Variants in MARCHF1 observed in about 807,000 individuals in gnomAD.
MARCHF1 encodes membrane associated ring-CH-type finger 1, also known as E3 ubiquitin-protein ligase MARCHF1.
In MARCHF1, 40 loss-of-function variants were observed where a neutral mutation model predicts 54.2. That is an observed-to-expected ratio of 0.74 (90% CI 0.57 to 0.96). The LOEUF is 0.96. MARCHF1 is among the 40% of genes least tolerant of loss of function. The pLI is 0.00. For synonymous variants in MARCHF1, 236 were observed against 236.3 expected (o/e 1.00, Z 0.01); for missense variants, 586 against 656.5 (o/e 0.89, Z 1.17).
At chr4:163,881,840 T>C (rs1389903564) in intron 3 of MARCHF1, among the ~76,000 whole-genome samples, 1 of 152,208 alleles carries the variant, frequency 6.6e-6, no homozygotes, top group East Asian at 1.9e-4. Flanking sequence ...GACAGCAGCC[T>C]GAATTCTACC....
At chr4:164,107,332 A>G (rs1755728631) in intron 2 of MARCHF1, among the ~76,000 whole-genome samples, 1 of 152,138 alleles carries the variant, frequency 6.6e-6, no homozygotes, top group Non-Finnish European at 1.5e-5. Context: ...GGTAAAATAG[A>G]TCTAAAATAG....
chr4:163,946,977 A>AT (rs529119954), intron 3 of MARCHF1, among the ~76,000 whole-genome samples: 53 of 152,232 alleles, frequency 3.5e-4, no homozygotes, highest in South Asian at 1.0e-3. Flanking sequence ...TTGTTTACAG[A>AT]TTTTTTTTAA....
At chr4:163,602,092 TTTTTA>T (rs1437346983) in intron 7 of MARCHF1, among the ~76,000 whole-genome samples, 1 of 152,008 alleles carries the variant, frequency 6.6e-6, no homozygotes, top group Non-Finnish European at 1.5e-5. Context: ...TTAAAATTAT[TTTTTA>T]TAAGGTGTGT....
intron 3 of MARCHF1, among the ~76,000 whole-genome samples, chr4:163,921,581 T>C (rs189062164): frequency 1.9e-4 from 29 of 151,928 alleles, no homozygotes; most frequent in African/African-American, 5.3e-4. Context: ...ATAGCAATAG[T>C]ACACACATAC....
rs1340559066 is a variant in MARCHF1, at chr4:163,526,236, TAATAA to T, written c.*2507_*2511del. ...TTCTTAGTGTTAAAAGTGTAGCCCT[TAATAA>T]ATGAGGCTTTATTTTAGCCGATCAT... On this transcript the variant is annotated 3_prime_UTR_variant, in exon 10 of 10. Coordinates refer to ENST00000514618, the MANE Select transcript of MARCHF1 (RefSeq NM_001394959.1). 1 of 152,126 alleles carries T rather than the reference TAATAA, an allele frequency of 6.6e-6. No homozygotes were observed. Among genetic ancestry groups the T allele is most frequent in the Non-Finnish European group, 1.5e-5 (1 of 67,990 alleles). The allele number at this position is 152,126 out of a possible 1,614,324, so 9.4% of individuals were successfully genotyped here. A position where few individuals can be genotyped will look rare whatever the true frequency, so the allele number is the denominator to read the frequency against.
chr4:163,831,113 C>T (rs1272294653), intron 4 of MARCHF1, among the ~76,000 whole-genome samples: 2 of 152,232 alleles, frequency 1.3e-5, no homozygotes, highest in African/African-American at 4.8e-5. Context: ...TCTGTCTTTC[C>T]TATGGCTAAA....
chr4:163,906,282 T>C (rs1751065155), intron 3 of MARCHF1, among the ~76,000 whole-genome samples: 1 of 151,940 alleles, frequency 6.6e-6, no homozygotes, highest in African/African-American at 2.4e-5. Flanking sequence ...TGCCTGAATA[T>C]GTAACTGAAT....
At chr4:164,361,931 G>A (rs1376857864) in intron 1 of MARCHF1, among the ~76,000 whole-genome samples, 2 of 151,948 alleles carry the variant, frequency 1.3e-5, no homozygotes, top group Non-Finnish European at 1.5e-5. Flanking sequence ...GTTGGCCCAA[G>A]TATTACAAAT....
At chr4:164,115,035 C>T (rs960176050) in intron 1 of MARCHF1, among the ~76,000 whole-genome samples, 1 of 151,926 alleles carries the variant, frequency 6.6e-6, no homozygotes, top group African/African-American at 2.4e-5. Flanking sequence ...CAATGAGCCA[C>T]TCTGCTGAAA....
intron 2 of MARCHF1, among the ~76,000 whole-genome samples, chr4:164,087,218 C>T (rs6815957): frequency 0.42 from 63,244 of 151,754 alleles, 14,173 homozygotes; most frequent in Non-Finnish European, 0.49. Context: ...AATAACTATT[C>T]AAGCAACATA....
At chr4:164,053,233 G>A (rs1250040118) in intron 2 of MARCHF1, among the ~76,000 whole-genome samples, 1 of 151,424 alleles carries the variant, frequency 6.6e-6, no homozygotes, top group African/African-American at 2.4e-5. Flanking sequence ...GTATCCTGAA[G>A]TTTTTTTTTA....
At chr4:163,600,438 T>C (rs1740927080) in intron 7 of MARCHF1, among the ~76,000 whole-genome samples, 1 of 152,150 alleles carries the variant, frequency 6.6e-6, no homozygotes, top group Non-Finnish European at 1.5e-5. Flanking sequence ...ACATGAAGCC[T>C]AGGTTGGGAA....
chr4:163,719,447 T>C (rs1745372099), intron 4 of MARCHF1, among the ~76,000 whole-genome samples: 3 of 152,196 alleles, frequency 2.0e-5, no homozygotes, highest in Admixed American at 2.0e-4. Context: ...ACATTTGGGT[T>C]GGTTCCAAGT....
intron 1 of MARCHF1, among the ~76,000 whole-genome samples, chr4:164,266,125 C>G (rs1309464957): frequency 6.6e-6 from 1 of 152,122 alleles, no homozygotes; most frequent in Admixed American, 6.6e-5. Context: ...GATATTGTCT[C>G]ATTTTTAGAA....
intron 5 of MARCHF1, among the ~76,000 whole-genome samples, chr4:163,642,643 G>T (rs1202522875): frequency 3.9e-5 from 6 of 152,072 alleles, no homozygotes; most frequent in Non-Finnish European, 8.8e-5. Context: ...AAAATGAAGG[G>T]ATGGGTGATT....
chr4:163,633,431 G>C (rs1742183747), intron 5 of MARCHF1, among the ~76,000 whole-genome samples: 1 of 152,194 alleles, frequency 6.6e-6, no homozygotes, highest in African/African-American at 2.4e-5. Flanking sequence ...ACCAAGGCTT[G>C]AGAACTACGT....
intron 1 of MARCHF1, among the ~76,000 whole-genome samples, chr4:164,314,540 C>G (rs542047924): frequency 6.6e-6 from 1 of 152,150 alleles, no homozygotes; most frequent in Admixed American, 6.5e-5. Context: ...TCAGTACTCA[C>G]GCAGGCATAC....
chr4:164,330,009 A>G (rs1735389126), intron 1 of MARCHF1: 1 of 152,236 alleles, frequency 6.6e-6, no homozygotes, highest in Non-Finnish European at 1.5e-5. Flanking sequence ...GCCAGCTACA[A>G]GTTACCAGAT....
chr4:164,176,966 CTCTCTCTCTCTCTCT>C (rs1730689700), intron 1 of MARCHF1, among the ~76,000 whole-genome samples: 918 of 44,986 alleles, frequency 0.02, 28 homozygotes, highest in Non-Finnish European at 0.026. Context: ...CTCTCTCTCT[CTCTCTCTCTCTCTCT>C]ATATATATAT....
Sources: allele counts gnomAD v4.1 joint callset (sites outside exome capture counted in the v4.1 genomes callset), GRCh38; gene constraint gnomAD v4.1.1; transcripts MANE v1.5; gene names NCBI Gene and HGNC (gene_info 2026-07-23, HGNC 2026-07-21).